Variants in GRID1 observed in about 807,000 individuals in gnomAD.
The protein encoded by GRID1 is glutamate receptor ionotropic, delta-1.
A neutral mutation model predicts 98.0 loss-of-function variants in GRID1; 28 were observed. That is an observed-to-expected ratio of 0.29 (90% confidence interval 0.21 to 0.39). The LOEUF (loss-of-function observed/expected upper bound fraction) is 0.39. Among genes scored for constraint, GRID1 ranks in the 10% least tolerant of loss-of-function variants. The pLI, the probability that GRID1 is intolerant of heterozygous loss-of-function variation, is 1.00. For synonymous variants in GRID1, 553 were observed against 538.5 expected (o/e 1.03, Z -0.37); for missense variants, 1,111 against 1,340.5 (o/e 0.83, Z 2.67).
intron 4 of GRID1, among the ~76,000 whole-genome samples, chr10:85,959,619 T>C (rs1842239881): frequency 7.6e-6 from 1 of 131,916 alleles, no homozygotes; most frequent in Non-Finnish European, 1.6e-5. Flanking sequence ...AGACATAAAA[T>C]GATACATAAG....
chr10:86,055,648 C>G (rs1273924091), intron 4 of GRID1, among the ~76,000 whole-genome samples: 1 of 152,150 alleles, frequency 6.6e-6, no homozygotes. Context: ...GAGGCTGAGA[C>G]AGGAGAATTG....
At chr10:86,214,959 G>A (rs1018127184) in intron 2 of GRID1, among the ~76,000 whole-genome samples, 1 of 152,238 alleles carries the variant, frequency 6.6e-6, no homozygotes, top group African/African-American at 2.4e-5. Context: ...TTTCAAACTT[G>A]CCAAGGTCTC....
chr10:86,207,228 G>A (rs1345172690), intron 2 of GRID1, among the ~76,000 whole-genome samples: 2 of 152,186 alleles, frequency 1.3e-5, no homozygotes, highest in Non-Finnish European at 2.9e-5. Flanking sequence ...AGAAACCCTA[G>A]GTCTTCTGGC....
At chr10:85,872,810 T>G (rs1355397007) in intron 5 of GRID1, among the ~76,000 whole-genome samples, 2 of 152,182 alleles carry the variant, frequency 1.3e-5, no homozygotes, top group African/African-American at 4.8e-5. Flanking sequence ...TTTCCCCTAA[T>G]CCAGTTTTCA....
Position 86,216,918 on chromosome 10 carries a change from G to A in GRID1, c.236-10270C>T, listed in dbSNP as rs567116558. Among the ~76,000 whole-genome samples the A allele has an allele frequency of 5.3e-5, 8 of 152,196 alleles. No individual in the cohort carries two copies. In the South Asian group the frequency reaches 1.0e-3, roughly 20 times the overall value. ...GCTGGGGCCAGAAAAGGATCCCTAG[G>A]GTAACCAAGAAGGTGCTTCCAGCTC... On this transcript the variant is annotated intron_variant, in intron 2 of 15. Coordinates refer to ENST00000327946, the MANE Select transcript of GRID1 (RefSeq NM_017551.3).
intron 13 of GRID1, among the ~76,000 whole-genome samples, chr10:85,642,791 T>C (rs909639316): frequency 3.3e-5 from 5 of 152,232 alleles, no homozygotes; most frequent in Non-Finnish European, 7.3e-5. Flanking sequence ...TTTAACATTA[T>C]TGTATTCATG....
At chr10:85,932,435 C>T (rs1229542527) in intron 4 of GRID1, among the ~76,000 whole-genome samples, 1 of 152,116 alleles carries the variant, frequency 6.6e-6, no homozygotes, top group Non-Finnish European at 1.5e-5. Context: ...TGGCTGGTCT[C>T]GAACTTCTGG....
At chr10:86,025,649 G>A (rs1843107246) in intron 4 of GRID1, among the ~76,000 whole-genome samples, 1 of 152,188 alleles carries the variant, frequency 6.6e-6, no homozygotes, top group South Asian at 2.1e-4. Context: ...TCCTTCAGGT[G>A]TCATACATAT....
intron 12 of GRID1, among the ~76,000 whole-genome samples, chr10:85,653,883 C>T (rs1564690108): frequency 6.6e-6 from 1 of 152,048 alleles, no homozygotes; most frequent in Non-Finnish European, 1.5e-5. Context: ...GACTTCTCAG[C>T]CTCCAGAACT....
chr10:86,104,433 C>T (rs1029919983), intron 4 of GRID1, among the ~76,000 whole-genome samples: 5 of 152,198 alleles, frequency 3.3e-5, no homozygotes, highest in African/African-American at 1.2e-4. Context: ...CTTGCTTAGC[C>T]AGGGCATAGG....
intron 2 of GRID1, among the ~76,000 whole-genome samples, chr10:86,318,610 G>A (rs752005346): frequency 1.5e-4 from 23 of 152,310 alleles, no homozygotes; most frequent in Admixed American, 3.3e-4. Flanking sequence ...CTCCCTGTCC[G>A]TTCCCTGGAG....
chr10:86,193,538 C>A (rs536843926), intron 3 of GRID1, among the ~76,000 whole-genome samples: 2 of 150,846 alleles, frequency 1.3e-5, no homozygotes, highest in South Asian at 4.2e-4. Flanking sequence ...GAGCTAAGAA[C>A]CTTCCTGCCA....
intron 2 of GRID1, among the ~76,000 whole-genome samples, chr10:86,337,777 G>A (rs1030142165): frequency 3.0e-5 from 4 of 131,654 alleles, no homozygotes; most frequent in African/African-American, 1.2e-4. Flanking sequence ...ACATGATCTC[G>A]GCTCACTGAA....
chr10:85,811,575 C>T (rs1441374997), intron 8 of GRID1, among the ~76,000 whole-genome samples: 2 of 151,990 alleles, frequency 1.3e-5, no homozygotes, highest in Admixed American at 6.6e-5. Context: ...AAAATACAAT[C>T]AAGAGCTTCA....
intron 2 of GRID1, among the ~76,000 whole-genome samples, chr10:86,299,873 T>C (rs1363804922): frequency 1.3e-5 from 2 of 152,188 alleles, no homozygotes; most frequent in African/African-American, 4.8e-5. Flanking sequence ...AATTCGGCAC[T>C]GCTGACAATC....
At chr10:85,881,484 G>T (rs1402827770) in intron 5 of GRID1, among the ~76,000 whole-genome samples, 1 of 151,906 alleles carries the variant, frequency 6.6e-6, no homozygotes, top group South Asian at 2.1e-4. Flanking sequence ...TCTACAACCA[G>T]CTGATCTTTG....
intron 8 of GRID1, among the ~76,000 whole-genome samples, chr10:85,764,998 T>G (rs752226064): frequency 6.6e-6 from 1 of 152,206 alleles, no homozygotes; most frequent in Non-Finnish European, 1.5e-5. Context: ...AGGATTCCAG[T>G]ACATCTTTAT....
At chr10:85,831,257 T>C (rs541966854) in intron 8 of GRID1, among the ~76,000 whole-genome samples, 9 of 151,968 alleles carry the variant, frequency 5.9e-5, no homozygotes, top group East Asian at 3.9e-4. Flanking sequence ...AAGCTAAACA[T>C]TGAGTACAAA....
chr10:86,308,524 T>G (rs1847790591), intron 2 of GRID1, among the ~76,000 whole-genome samples: 1 of 152,118 alleles, frequency 6.6e-6, no homozygotes, highest in Non-Finnish European at 1.5e-5. Context: ...GACTCTCCCA[T>G]GGGGTGGTAT....
Sources: allele counts gnomAD v4.1 joint callset (sites outside exome capture counted in the v4.1 genomes callset), GRCh38; gene constraint gnomAD v4.1.1; transcripts MANE v1.5; gene names NCBI Gene and HGNC (gene_info 2026-07-23, HGNC 2026-07-21).